ERCC4: variants seen among roughly 807,000 people sequenced by gnomAD.
ERCC4 encodes the protein DNA repair endonuclease XPF.
In ERCC4, 65 loss-of-function variants were observed where a neutral mutation model predicts 76.9. The ratio of observed to expected loss-of-function variants is 0.84; its 90% CI spans 0.69 to 1.04. The LOEUF (loss-of-function observed/expected upper bound fraction) is 1.04. Ranked by LOEUF, ERCC4 falls within the 50% of genes least tolerant of loss-of-function variation. The probability of loss-of-function intolerance (pLI) is 0.00; values close to 1 mark genes in which losing one functional copy is unlikely to be tolerated. For missense variants in ERCC4, 1,214 were observed against 1,128.2 expected (o/e 1.08, Z -1.09); for synonymous variants, 463 against 410.1 (o/e 1.13, Z -1.56).
At chr16:13,937,726 T>C (rs374649198) in intron 8 of ERCC4, 40 bp from the exon 9 acceptor site, 15 of 1,258,846 alleles carry the variant, frequency 1.2e-5, no homozygotes, top group Admixed American at 1.7e-5. Flanking sequence ...GGATTAAAAA[T>C]GCTGTTTTTC....
At chr16:13,943,155 T>C (rs1567251497) in intron 9 of ERCC4, among the ~76,000 whole-genome samples, 1 of 152,250 alleles carries the variant, frequency 6.6e-6, no homozygotes, top group African/African-American at 2.4e-5. Context: ...TGTTCTTTAG[T>C]AGTATCTTCT....
At position 13,950,444 on chromosome 16, in the gene ERCC4, GA is replaced by G; in HGVS notation, c.*2101del. 5.3e-6 allele frequency: 1 copy of G among 188,742 alleles called. No individual in the cohort carries two copies. Among genetic ancestry groups the G allele is most frequent in the Non-Finnish European group, 1.1e-5 (1 of 89,748 alleles). 11.7% of individuals were successfully genotyped at this position (188,742 alleles called of 1,614,324 possible). A position where few individuals can be genotyped will look rare whatever the true frequency, so the allele number is the denominator to read the frequency against. On this transcript the variant is annotated 3_prime_UTR_variant, in exon 11 of 11. Transcript: ENST00000311895. ...TCTGTAAGATGATGTGGAGAGTAAG[GA>G]AAAGGAGAAGAAATAAAAATTAGTT...
rs774347057 is a variant in ERCC4 at position 13,937,799 on chromosome 16, G to C, written c.1845G>C (p.Glu615Asp). The part of the protein sequence containing the change: ...VYFLIYGGST[E>D]EQRYLTALRK... ...TTCTTATATACGGAGGTTCAACTGA[G>C]GAACAACGCTATCTCACTGCTTTGC... Residue 615 changes from glutamate to aspartate, a missense_variant, in exon 9 of 11, where the codon GAG (glutamate) becomes GAC (aspartate). Physicochemically the swap from Glu to Asp is conservative, Grantham distance 45. Transcript: ENST00000311895. 9.9e-6 allele frequency: 16 copies of C among 1,613,506 alleles called. No homozygotes were observed. The South Asian group carries it at 1.6e-4, about 17-fold the overall frequency.
intron 1 of ERCC4, 31 bp downstream of exon 1, chr16:13,920,403 A>T: frequency 6.5e-7 from 1 of 1,533,658 alleles, no homozygotes; most frequent in Non-Finnish European, 8.7e-7. Flanking sequence ...GAGTGAGGGG[A>T]CTCCGAGAGT....
chr16:13,929,106 A>G (rs950342239), intron 4 of ERCC4, among the ~76,000 whole-genome samples: 1 of 152,208 alleles, frequency 6.6e-6, no homozygotes, highest in African/African-American at 2.4e-5. Context: ...TAAATCCCAC[A>G]CAATCTTTTA....
intron 1 of ERCC4, among the ~76,000 whole-genome samples, chr16:13,921,804 G>A (rs922485891): frequency 8.5e-5 from 13 of 152,120 alleles, no homozygotes; most frequent in Non-Finnish European, 1.9e-4. Context: ...GTTGAGTGCT[G>A]ATAATGACTG....
At chr16:13,937,743 A>G (rs779743123) in intron 8 of ERCC4, 23 bp from the exon 9 acceptor site, 4 of 1,529,452 alleles carry the variant, frequency 2.6e-6, no homozygotes, top group South Asian at 1.1e-5. Context: ...TTTCCAACCT[A>G]AAAGTTCTGT....
In ERCC4 at chr16:13,922,055, A is replaced by G; in HGVS notation, c.232A>G (p.Ile78Val). Residue 78 changes from isoleucine (I) to valine (V), a missense_variant, in exon 2 of 11, where the codon ATA becomes GTA. By Grantham distance (29) the Ile-to-Val change is conservative. Transcript: ENST00000311895. ...GGAGTATTTTATCAATCAGCTGAAG[A>G]TAGAAGGAGTTGAACACCTCCCTCG... ...EEEYFINQLK[I>V]EGVEHLPRRV... 7 of 1,613,834 alleles carry G rather than the reference A, an allele frequency of 4.3e-6. No homozygotes were observed. The highest frequency in any genetic ancestry group is 5.9e-6 in the Non-Finnish European group (7 of 1,179,738).
intron 2 of ERCC4, among the ~76,000 whole-genome samples, chr16:13,923,667 A>G (rs1014813337): frequency 2.0e-5 from 3 of 152,224 alleles, no homozygotes; most frequent in African/African-American, 7.2e-5. Flanking sequence ...TTAAGAAAAC[A>G]GTGCTTCCTG....
At chr16:13,929,688 G>T (rs889521882) in intron 4 of ERCC4, among the ~76,000 whole-genome samples, 7 of 152,162 alleles carry the variant, frequency 4.6e-5, no homozygotes, top group Admixed American at 6.5e-5. Flanking sequence ...ATAATTGGCC[G>T]GGTGCGGTGG....
intron 10 of ERCC4, among the ~76,000 whole-genome samples, chr16:13,946,782 C>T (rs1250741137): frequency 4.6e-5 from 7 of 151,440 alleles, no homozygotes; most frequent in East Asian, 1.9e-4. Context: ...GTTTTTGAGA[C>T]GGAGTTTCAC....
In ERCC4 at chr16:13,922,137, G is replaced by A; in HGVS notation, c.314G>A (p.Gly105Asp). The A allele has an allele frequency of 1.2e-6, 2 of 1,613,620 alleles. No homozygotes were observed. Among genetic ancestry groups the A allele is most frequent in the African/African-American group, 1.3e-5 (1 of 75,026 alleles). The change falls in exon 2 of 11, where the codon GGT becomes GAT. Residue 105 changes from glycine to aspartate, a missense_variant. Transcript: ENST00000311895. ...CGCTATGAAGTTTACACACAAGGTG[G>A]TGTTATATTTGCGACAAGTAGGATA... ...NSRYEVYTQGGVIFATSRILV... is the reference protein window; with the variant it reads ...NSRYEVYTQGDVIFATSRILV...
intron 2 of ERCC4, among the ~76,000 whole-genome samples, chr16:13,923,168 G>C (rs779583075): frequency 5.3e-5 from 8 of 152,096 alleles, no homozygotes; most frequent in Non-Finnish European, 8.8e-5. Flanking sequence ...CTAATGTAGG[G>C]GCTGTGCCTC....
intron 2 of ERCC4, among the ~76,000 whole-genome samples, chr16:13,925,785 G>A (rs1596620157): frequency 6.6e-6 from 1 of 152,136 alleles, no homozygotes; most frequent in Non-Finnish European, 1.5e-5. Flanking sequence ...ATGCCTTTAT[G>A]TCATCTCATG....
At chr16:13,941,264 C>T (rs538051619) in intron 9 of ERCC4, among the ~76,000 whole-genome samples, 50 of 152,278 alleles carry the variant, frequency 3.3e-4, no homozygotes, top group Admixed American at 2.1e-3. Flanking sequence ...ATTTTTAATG[C>T]TTTCAATGAT....
At chr16:13,942,455 T>A (rs1434257648) in intron 9 of ERCC4, among the ~76,000 whole-genome samples, 1 of 152,226 alleles carries the variant, frequency 6.6e-6, no homozygotes, top group Non-Finnish European at 1.5e-5. Context: ...TAATCATGGA[T>A]AATTAGACGA....
rs760433983 is a variant in ERCC4, at chr16:13,932,159, T to G, written c.976T>G (p.Trp326Gly). 6.2e-7 allele frequency: 1 copy of G among 1,613,156 alleles called. No homozygotes were observed. The highest frequency in any genetic ancestry group is 8.5e-7 in the Non-Finnish European group (1 of 1,179,194). ...TTTCTTTTAACTTTTCGTATTAGGT[T>G]GGCTGTTTCTTGACTCCAGCACCTC... Reference protein sequence around the residue: ...TEKAFGQNSGWLFLDSSTSMF... With the variant: ...TEKAFGQNSGGLFLDSSTSMF... The change falls in exon 6 of 11, where the codon TGG becomes GGG. Residue 326 changes from tryptophan (W) to glycine (G), a missense_variant and splice_region_variant. Physicochemically the swap from Trp to Gly is radical, Grantham distance 184. Transcript: ENST00000311895.
Position 13,926,440 on chromosome 16 carries a change from G to A in ERCC4, c.389-121G>A, listed in dbSNP as rs1475169027. ...GGGATTTATCTCTGTTCTGTGCGTG[G>A]CTATATGCCCAGTCTAGAATGGTGC... is the stretch of plus-strand genomic sequence containing the variant. On this transcript the variant is annotated intron_variant, in intron 2 of 10. Coordinates refer to ENST00000311895, the MANE Select transcript of ERCC4 (RefSeq NM_005236.3). The A allele has an allele frequency of 1.8e-5, 15 of 823,232 alleles. No homozygotes were observed. In the East Asian group the frequency reaches 1.9e-4, roughly 11 times the overall value. 51.0% of individuals were successfully genotyped at this position (823,232 alleles called of 1,614,324 possible).
chr16:13,921,995 T>C, intron 1 of ERCC4, 36 bp from the exon 2 acceptor site: 1 of 1,509,984 alleles, frequency 6.6e-7, no homozygotes, highest in Non-Finnish European at 9.2e-7. Flanking sequence ...CTGCCCTGTA[T>C]TAAATAGCCT....
Sources: gnomAD v4.1 joint callset for allele counts (sites outside exome capture counted in the v4.1 genomes callset) on GRCh38, gnomAD v4.1.1 for gene constraint, MANE v1.5 for transcripts, NCBI Gene and HGNC (gene_info 2026-07-23, HGNC 2026-07-21) for gene names.